RGS6: variants seen among roughly 807,000 people sequenced by gnomAD.
RGS6 encodes the protein regulator of G protein signaling 6, also known as regulator of G-protein signaling 6.
RGS6 carries 30 observed loss-of-function variants against 78.5 expected under a neutral mutation model. The observed-to-expected ratio is 0.38, with a 90% CI of 0.29 to 0.52. The LOEUF is 0.52. RGS6 is among the 20% of genes least tolerant of loss of function. The pLI, the probability that RGS6 is intolerant of heterozygous loss-of-function variation, is 0.85. For missense variants in RGS6, 495 were observed against 609.7 expected, an observed-to-expected ratio of 0.81 and a Z score of 1.98; for synonymous variants, 206 against 206.0, an observed-to-expected ratio of 1.00 and a Z score of 0.00.
chr14:72,245,614 A>ACCTTCCAGCTTGGGCGTTAT lies in RGS6; in HGVS notation c.85-106460_85-106441dup, dbSNP rs1050324740. On this transcript the variant is annotated intron_variant, in intron 2 of 17. Coordinates refer to ENST00000553525, the MANE Select transcript of RGS6 (RefSeq NM_001204424.2). Reference sequence around the variant, plus strand: ...TTGCCCTCATTCCTGTAAACCCACAACCTTCCAGCTTGGGCGTTATCCTTC... The same window carrying ACCTTCCAGCTTGGGCGTTAT: ...TTGCCCTCATTCCTGTAAACCCACAACCTTCCAGCTTGGGCGTTATCCTTCCAGCTTGGGCGTTATCCTTC... Among the ~76,000 whole-genome samples the ACCTTCCAGCTTGGGCGTTAT allele has an allele frequency of 3.9e-5, 6 of 152,144 alleles. 1 individual carries two copies. In the East Asian group the frequency reaches 5.8e-4, roughly 15 times the overall value.
intron 3 of RGS6, among the ~76,000 whole-genome samples, chr14:72,437,201 C>T (rs1023705897): frequency 2.7e-5 from 4 of 148,264 alleles, no homozygotes; most frequent in Non-Finnish European, 6.0e-5. Context: ...ATTAGCCAGG[C>T]ATGGTGGCGG....
At chr14:72,559,444 A>G (rs2097640086) in intron 17 of RGS6, among the ~76,000 whole-genome samples, 1 of 152,190 alleles carries the variant, frequency 6.6e-6, no homozygotes, top group African/African-American at 2.4e-5. Context: ...ACCGCCTTCC[A>G]GTCTGAGCCT....
At chr14:72,620,262 A>G in the RGS6 span, among the ~76,000 whole-genome samples, 44 of 152,274 alleles carry the variant, frequency 2.9e-4, no homozygotes, top group Non-Finnish European at 4.3e-4. Context: ...CTAACACCTC[A>G]CATCCAAATT....
chr14:72,100,518 GA>G (rs1284694318), intron 2 of RGS6, among the ~76,000 whole-genome samples: 6 of 152,094 alleles, frequency 3.9e-5, no homozygotes, highest in African/African-American at 1.4e-4. Context: ...AAGGTAGAAA[GA>G]AAGACTGTAA....
At chr14:71,918,053 C>T in the RGS6 span, among the ~76,000 whole-genome samples, 12 of 151,520 alleles carry the variant, frequency 7.9e-5, no homozygotes, top group Non-Finnish European at 1.0e-4. Flanking sequence ...TGGTGGCGGG[C>T]GCCTGTAGTC....
intron 2 of RGS6, among the ~76,000 whole-genome samples, chr14:72,295,450 G>A (rs1284500810): frequency 6.6e-6 from 1 of 152,138 alleles, no homozygotes; most frequent in Non-Finnish European, 1.5e-5. Flanking sequence ...CCCAGAGAGA[G>A]CTGCTGAGAC....
chr14:72,287,440 C>G (rs1006381392), intron 2 of RGS6, among the ~76,000 whole-genome samples: 2 of 151,954 alleles, frequency 1.3e-5, no homozygotes, highest in Non-Finnish European at 2.9e-5. Flanking sequence ...GCGGGATTGT[C>G]ATATGTGACC....
chr14:72,392,507 A>G (rs528257174), intron 3 of RGS6, among the ~76,000 whole-genome samples: 50 of 152,242 alleles, frequency 3.3e-4, no homozygotes, highest in African/African-American at 1.1e-3. Context: ...CTGGCCCAAG[A>G]GTCACAGAAG....
intron 2 of RGS6, among the ~76,000 whole-genome samples, chr14:72,252,897 A>T (rs2056163797): frequency 6.6e-6 from 1 of 152,102 alleles, no homozygotes; most frequent in Admixed American, 6.5e-5. Flanking sequence ...GGCTGAACTG[A>T]CTCAAATATA....
At chr14:72,574,867 C>A in the RGS6 span, among the ~76,000 whole-genome samples, 2 of 152,062 alleles carry the variant, frequency 1.3e-5, no homozygotes, top group Admixed American at 6.5e-5. Context: ...GACCTAGATA[C>A]CAATGACAGG....
chr14:72,426,310 A>G (rs894085401), intron 3 of RGS6, among the ~76,000 whole-genome samples: 7 of 152,208 alleles, frequency 4.6e-5, no homozygotes, highest in Admixed American at 4.6e-4. Flanking sequence ...CATAATTAAT[A>G]AAGAGTAAGA....
At chr14:71,900,567 A>C in the RGS6 span, among the ~76,000 whole-genome samples, 1 of 152,144 alleles carries the variant, frequency 6.6e-6, no homozygotes, top group East Asian at 1.9e-4. Context: ...CTTGAAACTA[A>C]AACTATGACT....
chr14:72,357,524 G>A (rs1329764863), intron 3 of RGS6, among the ~76,000 whole-genome samples: 1 of 152,226 alleles, frequency 6.6e-6, no homozygotes, highest in Non-Finnish European at 1.5e-5. Context: ...ATGGAGATGA[G>A]AAACTTGTTA....
chr14:72,412,247 C>T (rs2093473772), intron 3 of RGS6, among the ~76,000 whole-genome samples: 1 of 152,106 alleles, frequency 6.6e-6, no homozygotes, highest in Admixed American at 6.5e-5. Context: ...ATTTGAGAGC[C>T]TGTTATTGGT....
At chr14:72,157,022 C>T (rs1482923885) in intron 2 of RGS6, among the ~76,000 whole-genome samples, 1 of 152,164 alleles carries the variant, frequency 6.6e-6, no homozygotes, top group Non-Finnish European at 1.5e-5. Flanking sequence ...TCATTAGGAC[C>T]ACCTGGAAAA....
chr14:72,237,453 G>T (rs1174890386), intron 2 of RGS6, among the ~76,000 whole-genome samples: 1 of 152,128 alleles, frequency 6.6e-6, no homozygotes, highest in East Asian at 1.9e-4. Flanking sequence ...CACATGACAT[G>T]TTGGGTTTTA....
chr14:71,898,153 C>A, the RGS6 span, among the ~76,000 whole-genome samples: 2 of 152,126 alleles, frequency 1.3e-5, no homozygotes, highest in Non-Finnish European at 2.9e-5. Context: ...GATCTACTCT[C>A]AGCAATTTTC....
chr14:72,221,412 T>G (rs2046839212), intron 2 of RGS6, among the ~76,000 whole-genome samples: 1 of 152,186 alleles, frequency 6.6e-6, no homozygotes, highest in Non-Finnish European at 1.5e-5. Context: ...GTACTGATTA[T>G]TCCTAAAAAA....
chr14:71,952,834 A>G (rs577614580), intron 1 of RGS6, among the ~76,000 whole-genome samples: 6 of 152,306 alleles, frequency 3.9e-5, no homozygotes. Flanking sequence ...AAAGAAAGAA[A>G]ACAATGAAAT....
Sources: gnomAD v4.1 joint callset for allele counts (sites outside exome capture counted in the v4.1 genomes callset) on GRCh38, gnomAD v4.1.1 for gene constraint, MANE v1.5 for transcripts, NCBI Gene and HGNC (gene_info 2026-07-23, HGNC 2026-07-21) for gene names.